SLC4A4: variants seen among roughly 807,000 people sequenced by gnomAD.
SLC4A4 encodes the protein solute carrier family 4 member 4, also known as electrogenic sodium bicarbonate cotransporter 1.
SLC4A4 carries 27 observed loss-of-function variants against 111.5 expected under a neutral mutation model. The ratio of observed to expected loss-of-function variants is 0.24; its 90% CI spans 0.18 to 0.33. The LOEUF is 0.33. Among genes scored for constraint, SLC4A4 ranks in the 10% least tolerant of loss-of-function variants. The pLI, the probability that SLC4A4 is intolerant of heterozygous loss-of-function variation, is 1.00. For missense variants in SLC4A4, 909 were observed against 1,315.5 expected (o/e 0.69, Z 4.78); for synonymous variants, 443 against 463.4 (o/e 0.96, Z 0.57).
chr4:71,438,501 A>G (rs1224918140), intron 7 of SLC4A4, among the ~76,000 whole-genome samples: 1 of 152,240 alleles, frequency 6.6e-6, no homozygotes, highest in Non-Finnish European at 1.5e-5. Context: ...AAACTATGTC[A>G]CTGAGTCAGT....
At chr4:71,471,320 G>T (rs1229991367) in intron 13 of SLC4A4, among the ~76,000 whole-genome samples, 2 of 151,954 alleles carry the variant, frequency 1.3e-5, no homozygotes, top group East Asian at 3.9e-4. Flanking sequence ...ATTTAAGCTA[G>T]GGTGTCTGAC....
At chr4:71,307,246 T>C (rs1449115488) in intron 3 of SLC4A4, among the ~76,000 whole-genome samples, 2 of 152,246 alleles carry the variant, frequency 1.3e-5, no homozygotes, top group Non-Finnish European at 2.9e-5. Context: ...CAAATTAGCC[T>C]AATTCATAAC....
At chr4:71,181,892 C>T (rs1745305544) in intron 2 of SLC4A4, among the ~76,000 whole-genome samples, 1 of 152,186 alleles carries the variant, frequency 6.6e-6, no homozygotes, top group Non-Finnish European at 1.5e-5. Flanking sequence ...GGGGATTCTA[C>T]AATTTCTCAC....
intron 4 of SLC4A4, among the ~76,000 whole-genome samples, chr4:71,348,200 T>G (rs1219172993): frequency 1.3e-5 from 2 of 152,136 alleles, no homozygotes; most frequent in African/African-American, 4.8e-5. Flanking sequence ...TTTACAGTTT[T>G]GGTTAAACCC....
chr4:71,127,118 C>T (rs140406901), intron 2 of SLC4A4, among the ~76,000 whole-genome samples: 3 of 152,310 alleles, frequency 2.0e-5, no homozygotes, highest in African/African-American at 7.2e-5. Flanking sequence ...ATCCATCATG[C>T]TAACATCGTA....
chr4:71,323,899 T>C (rs2148869809), intron 3 of SLC4A4, among the ~76,000 whole-genome samples: 1 of 151,904 alleles, frequency 6.6e-6, no homozygotes, highest in East Asian at 1.9e-4. Context: ...TTGGCATCCT[T>C]GGGAACGTTG....
upstream of SLC4A4, among the ~76,000 whole-genome samples, chr4:71,186,537 G>A (rs1256475849): frequency 7.2e-5 from 11 of 152,018 alleles, no homozygotes; most frequent in Non-Finnish European, 1.0e-4. Context: ...CGGCCGGTCC[G>A]GAGCCGGGTC....
At chr4:71,385,191 ATTT>A (rs1157788396) in intron 6 of SLC4A4, among the ~76,000 whole-genome samples, 2 of 11,896 alleles carry the variant, frequency 1.7e-4, no homozygotes, top group South Asian at 4.4e-3. Context: ...ATATATATAT[ATTT>A]TTTTTTTTTT....
intron 7 of SLC4A4, among the ~76,000 whole-genome samples, chr4:71,398,227 T>C (rs944639371): frequency 2.6e-5 from 4 of 151,346 alleles, no homozygotes; most frequent in African/African-American, 9.7e-5. Context: ...AGAGGTTGCA[T>C]TGCACTGAGA....
intron 6 of SLC4A4, among the ~76,000 whole-genome samples, chr4:71,392,553 C>T (rs1719399093): frequency 6.6e-6 from 1 of 152,014 alleles, no homozygotes; most frequent in Non-Finnish European, 1.5e-5. Context: ...TCCACACTCC[C>T]CGCTCATATC....
intron 16 of SLC4A4, among the ~76,000 whole-genome samples, chr4:71,519,912 A>G (rs1309826215): frequency 6.6e-6 from 1 of 152,136 alleles, no homozygotes; most frequent in Non-Finnish European, 1.5e-5. Context: ...GCCCTCCCAA[A>G]GTGCTGGTAT....
chr4:71,552,296 C>T (rs1736061894), intron 20 of SLC4A4, among the ~76,000 whole-genome samples: 1 of 151,818 alleles, frequency 6.6e-6, no homozygotes, highest in South Asian at 2.1e-4. Flanking sequence ...GCCTGTCTGA[C>T]TTTTGTGCCC....
intron 1 of SLC4A4, among the ~76,000 whole-genome samples, chr4:71,234,899 C>A (rs774692907): frequency 2.0e-5 from 3 of 152,120 alleles, no homozygotes; most frequent in Admixed American, 6.5e-5. Flanking sequence ...AGAAATCTTG[C>A]AAGTGTCCAG....
At chr4:71,470,640 T>C (rs1210964720) in intron 13 of SLC4A4, among the ~76,000 whole-genome samples, 1 of 152,040 alleles carries the variant, frequency 6.6e-6, no homozygotes, top group Non-Finnish European at 1.5e-5. Context: ...GCCAGTGTTC[T>C]CCAGAGAAAC....
chr4:71,211,910 TA>T (rs1216582274), intron 1 of SLC4A4, among the ~76,000 whole-genome samples: 1 of 151,794 alleles, frequency 6.6e-6, no homozygotes, highest in Non-Finnish European at 1.5e-5. Context: ...AATTAGACGC[TA>T]AAAACCAGGG....
At chr4:71,497,783 C>A in intron 16 of SLC4A4, 91 bp downstream of exon 16, 1 of 1,000,142 alleles carries the variant, frequency 1.0e-6, no homozygotes, top group Non-Finnish European at 1.6e-6. Context: ...ACCTGTAATT[C>A]AATGTGTCCA....
chr4:71,330,740 T>C (rs1312953636), intron 3 of SLC4A4, among the ~76,000 whole-genome samples: 2 of 152,078 alleles, frequency 1.3e-5, no homozygotes, highest in African/African-American at 2.4e-5. Context: ...AAATGGGATG[T>C]AATTAAACTA....
intron 15 of SLC4A4, among the ~76,000 whole-genome samples, chr4:71,494,545 T>G (rs556811804): frequency 3.8e-4 from 58 of 152,048 alleles, no homozygotes; most frequent in African/African-American, 1.3e-3. Flanking sequence ...AAATTCCTGG[T>G]TTCAAGTGCT....
At chr4:71,201,836 T>C (rs1291364978) in intron 1 of SLC4A4, among the ~76,000 whole-genome samples, 3 of 152,240 alleles carry the variant, frequency 2.0e-5, no homozygotes, top group Admixed American at 6.5e-5. Flanking sequence ...GTGTTTTTAA[T>C]TTTTACCAGA....
Sources: gnomAD v4.1 joint callset for allele counts (sites outside exome capture counted in the v4.1 genomes callset) on GRCh38, gnomAD v4.1.1 for gene constraint, MANE v1.5 for transcripts, NCBI Gene and HGNC (gene_info 2026-07-23, HGNC 2026-07-21) for gene names.